SEPTIN7: variants seen among roughly 807,000 people sequenced by gnomAD.
The protein encoded by SEPTIN7 is septin-7.
A neutral mutation model predicts 63.3 loss-of-function variants in SEPTIN7; 10 were observed. The ratio of observed to expected loss-of-function variants is 0.16; its 90% CI spans 0.10 to 0.27. SEPTIN7 has a LOEUF of 0.27. Among genes scored for constraint, SEPTIN7 ranks in the 10% least tolerant of loss-of-function variants. SEPTIN7 has a pLI of 1.00. For synonymous variants in SEPTIN7, 131 were observed against 165.3 expected (o/e 0.79, Z 1.59); for missense variants, 310 against 521.0 (o/e 0.59, Z 3.94).
At position 35,879,730 on chromosome 7, in the gene SEPTIN7, T is replaced by TA; in HGVS notation, c.513-92dup. The TA allele has an allele frequency of 6.8e-6, 5 of 736,484 alleles. No individual in the cohort carries two copies. In the South Asian group the frequency reaches 7.9e-5, roughly 12 times the overall value. The allele number at this position is 736,484 out of a possible 1,614,324, so 45.6% of individuals were successfully genotyped here. ...GAGTGTTTCTGATAAGTAAGTAAAG[T>TA]AGTTACATTGTATTTAACTAGCATT... On this transcript the variant is annotated intron_variant, in intron 6 of 13. Coordinates refer to ENST00000350320, the MANE Select transcript of SEPTIN7 (RefSeq NM_001788.6).
At chr7:35,883,234 G>T (rs1393004125) in intron 8 of SEPTIN7, among the ~76,000 whole-genome samples, 2 of 151,994 alleles carry the variant, frequency 1.3e-5, no homozygotes, top group African/African-American at 4.8e-5. Flanking sequence ...CATATTTTCT[G>T]TATTTTATCA....
At chr7:35,849,512 G>A (rs949988475) in intron 3 of SEPTIN7, among the ~76,000 whole-genome samples, 2 of 152,170 alleles carry the variant, frequency 1.3e-5, no homozygotes, top group East Asian at 3.9e-4. Flanking sequence ...CTGCTGTGTG[G>A]CCTGGTTCCT....
chr7:35,809,334 G>T lies in SEPTIN7; in HGVS notation c.61+8064G>T, dbSNP rs572587118. Among the ~76,000 whole-genome samples, 16 of 152,294 alleles carry T rather than the reference G, an allele frequency of 1.1e-4. 1 individual carries two copies. In the South Asian group the frequency reaches 3.3e-3, roughly 32 times the overall value. ...TTCTCTGTAATGTGGGAATCATAAG[G>T]TTATTGGAGAAGTAAATGAGATAGT... On this transcript the variant is annotated intron_variant, in intron 1 of 13. Coordinates refer to ENST00000350320, the MANE Select transcript of SEPTIN7 (RefSeq NM_001788.6).
rs764478119 is a variant in SEPTIN7, at chr7:35,904,331, A to G, written c.*38A>G. On this transcript the variant is annotated 3_prime_UTR_variant, in exon 14 of 14. Transcript: ENST00000350320. Reference sequence around the variant, plus strand: ...CCACCAGTTAACGTATTAGTTGCCAATATGCCAGCTTGGACATCAGTGTTT... The same window carrying G: ...CCACCAGTTAACGTATTAGTTGCCAGTATGCCAGCTTGGACATCAGTGTTT... 6 of 1,507,346 alleles carry G rather than the reference A, an allele frequency of 4.0e-6. No individual in the cohort carries two copies. Among genetic ancestry groups the G allele is most frequent in the East Asian group, 2.4e-5 (1 of 41,114 alleles). The allele number at this position is 1,507,346 out of a possible 1,614,324, so 93.4% of individuals were successfully genotyped here.
At chr7:35,843,338 C>T (rs903914908) in intron 3 of SEPTIN7, among the ~76,000 whole-genome samples, 1 of 152,172 alleles carries the variant, frequency 6.6e-6, no homozygotes, top group African/African-American at 2.4e-5. Context: ...CTAGTCCATT[C>T]GTATGCTCTA....
At chr7:35,856,696 C>T (rs1483741442) in intron 3 of SEPTIN7, among the ~76,000 whole-genome samples, 1 of 152,124 alleles carries the variant, frequency 6.6e-6, no homozygotes. Flanking sequence ...GATCATTTCC[C>T]CTGTGGCATA....
downstream of SEPTIN7, among the ~76,000 whole-genome samples, chr7:35,910,936 G>A (rs1788730061): frequency 6.6e-6 from 1 of 152,126 alleles, no homozygotes; most frequent in Non-Finnish European, 1.5e-5. Flanking sequence ...GTTTCTCCAG[G>A]CCAGAACCAG....
At chr7:35,829,726 G>A (rs1026488059) in intron 1 of SEPTIN7, among the ~76,000 whole-genome samples, 1 of 152,144 alleles carries the variant, frequency 6.6e-6, no homozygotes, top group Non-Finnish European at 1.5e-5. Flanking sequence ...TACATTGCGG[G>A]CAGGGTGGAG....
intron 1 of SEPTIN7, among the ~76,000 whole-genome samples, chr7:35,828,200 T>C (rs556927101): frequency 5.3e-4 from 80 of 152,362 alleles, no homozygotes; most frequent in Non-Finnish European, 1.0e-3. Flanking sequence ...GCTCTTATTT[T>C]TTAAGTTACC....
At chr7:35,900,362 A>G (rs1788244869) in intron 12 of SEPTIN7, 2 of 152,240 alleles carry the variant, frequency 1.3e-5, no homozygotes, top group South Asian at 4.1e-4. Context: ...ACTAAATGCT[A>G]ATAGCAGTGC....
At chr7:35,819,891 T>C (rs1387115222) in intron 1 of SEPTIN7, among the ~76,000 whole-genome samples, 1 of 152,188 alleles carries the variant, frequency 6.6e-6, no homozygotes, top group Non-Finnish European at 1.5e-5. Context: ...TGGAGTCCTA[T>C]TATACCTGAA....
chr7:35,821,066 G>GT (rs34773866), intron 1 of SEPTIN7, among the ~76,000 whole-genome samples: 49,347 of 151,650 alleles, frequency 0.33, 8,258 homozygotes, highest in East Asian at 0.41. Flanking sequence ...TGATTGTTCT[G>GT]TTTTTTTCCA....
At chr7:35,875,712 C>T (rs1786432133) in intron 6 of SEPTIN7, among the ~76,000 whole-genome samples, 1 of 152,084 alleles carries the variant, frequency 6.6e-6, no homozygotes, top group African/African-American at 2.4e-5. Context: ...GTATTGATTA[C>T]CACTTTTAGA....
intron 11 of SEPTIN7, among the ~76,000 whole-genome samples, chr7:35,897,651 G>A (rs1237208615): frequency 2.6e-5 from 4 of 152,102 alleles, no homozygotes; most frequent in Non-Finnish European, 5.9e-5. Flanking sequence ...TTAAGACAGT[G>A]AAATATTTGA....
intron 7 of SEPTIN7, among the ~76,000 whole-genome samples, chr7:35,881,026 A>T: frequency 6.6e-6 from 1 of 152,162 alleles, no homozygotes; most frequent in Non-Finnish European, 1.5e-5. Flanking sequence ...AATTATCTCT[A>T]TTGTCCATAT....
intron 3 of SEPTIN7, among the ~76,000 whole-genome samples, chr7:35,834,245 A>T (rs1020272128): frequency 3.3e-5 from 5 of 152,034 alleles, no homozygotes; most frequent in Non-Finnish European, 7.4e-5. Context: ...TCCTAGGTCC[A>T]TTAGGAGAAC....
At chr7:35,889,504 G>T (rs1347272626) in intron 10 of SEPTIN7, among the ~76,000 whole-genome samples, 3 of 152,116 alleles carry the variant, frequency 2.0e-5, no homozygotes, top group Non-Finnish European at 4.4e-5. Context: ...AACAGTAAAG[G>T]TTCTCTGGTT....
intron 3 of SEPTIN7, among the ~76,000 whole-genome samples, chr7:35,835,257 C>A (rs1170565484): frequency 1.3e-5 from 2 of 152,074 alleles, no homozygotes; most frequent in African/African-American, 4.8e-5. Context: ...AAAAGGGAGG[C>A]ATTAGGACAA....
chr7:35,878,057 C>G (rs1047441178), intron 6 of SEPTIN7, among the ~76,000 whole-genome samples: 1 of 152,082 alleles, frequency 6.6e-6, no homozygotes, highest in Non-Finnish European at 1.5e-5. Flanking sequence ...CTATTCTATG[C>G]GTATTGCTTG....
Sources: allele counts gnomAD v4.1 joint callset (sites outside exome capture counted in the v4.1 genomes callset), GRCh38; gene constraint gnomAD v4.1.1; transcripts MANE v1.5; gene names NCBI Gene and HGNC (gene_info 2026-07-23, HGNC 2026-07-21).